Variants in BTG2 observed in about 807,000 individuals in gnomAD.
BTG2 encodes BTG anti-proliferation factor 2.
A neutral mutation model predicts 13.1 loss-of-function variants in BTG2; 9 were observed. That is an observed-to-expected ratio of 0.69 (90% CI 0.41 to 1.20). The LOEUF (loss-of-function observed/expected upper bound fraction) is 1.20, where lower values mean the gene tolerates loss of function less well. Ranked by LOEUF, BTG2 falls within the 50% of genes most tolerant of loss-of-function variation. The pLI, the probability that BTG2 is intolerant of heterozygous loss-of-function variation, is 0.00. For synonymous variants in BTG2, 92 were observed against 88.6 expected (o/e 1.04, Z -0.21); for missense variants, 200 against 209.5 (o/e 0.95, Z 0.28).
chr1:203,307,515 G>A lies in BTG2; in HGVS notation c.*77G>A, dbSNP rs933030925. 3.3e-6 allele frequency: 4 copies of A among 1,209,346 alleles called. No homozygotes were observed. Among genetic ancestry groups the A allele is most frequent in the South Asian group, 1.6e-5 (1 of 62,950 alleles). 74.9% of individuals were successfully genotyped at this position (1,209,346 alleles called of 1,614,324 possible). A position where few individuals can be genotyped will look rare whatever the true frequency, so the allele number is the denominator to read the frequency against. On this transcript the variant is annotated 3_prime_UTR_variant, in exon 2 of 2. Transcript: ENST00000290551. Reference sequence around the variant, plus strand: ...AGGCCACCACATACCTCAACCTGGGGAACTGTATTTTTAAATGAAGAGCTA... The same window carrying A: ...AGGCCACCACATACCTCAACCTGGGAAACTGTATTTTTAAATGAAGAGCTA...
intron 1 of BTG2, among the ~76,000 whole-genome samples, chr1:203,306,683 G>T (rs796613632): frequency 6.6e-6 from 1 of 152,016 alleles, no homozygotes; most frequent in East Asian, 1.9e-4. Flanking sequence ...GGTCTCCAGA[G>T]GCCCTGCCTG....
At chr1:203,307,033 C>T in intron 1 of BTG2, 71 bp from the exon 2 acceptor site, 2 of 1,389,888 alleles carry the variant, frequency 1.4e-6, no homozygotes, top group Non-Finnish European at 2.0e-6. Flanking sequence ...GACCCTCCAC[C>T]CCGCCCTATG....
At chr1:203,306,981 C>A (rs1300152349) in intron 1 of BTG2, 123 bp from the exon 2 acceptor site, 5 of 780,512 alleles carry the variant, frequency 6.4e-6, no homozygotes, top group Admixed American at 5.7e-5. Context: ...GAGGAATCCA[C>A]CTCCCTTACT....
intron 1 of BTG2, among the ~76,000 whole-genome samples, chr1:203,306,187 G>A (rs1231256142): frequency 6.6e-6 from 1 of 152,300 alleles, no homozygotes; most frequent in Admixed American, 6.5e-5. Flanking sequence ...TCCCAGTGCG[G>A]TTCTTCCTGC....
rs778832398 is a variant in BTG2, at chr1:203,307,165, T to G, written c.204T>G (p.Ile68Met). ...KPSKGSGYRC[I>M]RINHKMDPII... is the part of the protein sequence containing the mutation. The stretch of plus-strand genomic sequence containing the variant: ...CCAAGGGCTCCGGCTACCGCTGCAT[T>G]CGCATCAACCACAAGATGGACCCCA... The change falls in exon 2 of 2, where the codon ATT becomes ATG. Residue 68 changes from isoleucine (I) to methionine (M), a missense_variant. Transcript: ENST00000290551. 6 of 1,614,174 alleles carry G rather than the reference T, an allele frequency of 3.7e-6. No homozygotes were observed. The highest frequency in any genetic ancestry group is 2.2e-5 in the South Asian group (2 of 91,082).
rs1658298552 is a variant in BTG2 at position 203,307,195 on chromosome 1, C to G, written c.234C>G (p.Ile78Met). The stretch of plus-strand genomic sequence containing the variant: ...TCAACCACAAGATGGACCCCATCAT[C>G]AGCAGGGTGGCCAGCCAGATCGGAC... ...IRINHKMDPI[I>M]SRVASQIGLS... Residue 78 changes from isoleucine to methionine, a missense_variant, in exon 2 of 2, where the codon ATC becomes ATG. Transcript: ENST00000290551. 12 of 1,614,266 alleles carry G rather than the reference C, an allele frequency of 7.4e-6. No homozygotes were observed. The highest frequency in any genetic ancestry group is 1.0e-5 in the Non-Finnish European group (12 of 1,180,042).
intron 1 of BTG2, among the ~76,000 whole-genome samples, chr1:203,306,115 G>A (rs1304486495): frequency 6.6e-6 from 1 of 152,094 alleles, no homozygotes; most frequent in Non-Finnish European, 1.5e-5. Context: ...CGGGCCGCCC[G>A]GTCGGCCGAG....
rs1658335070 is a variant in BTG2 at position 203,309,084 on chromosome 1, A to G, written c.*1646A>G. 6.6e-6 allele frequency: 1 copy of G among 152,552 alleles called. No individual in the cohort carries two copies. Among genetic ancestry groups the G allele is most frequent in the African/African-American group, 2.4e-5 (1 of 41,398 alleles). The allele number at this position is 152,552 out of a possible 1,614,324, so 9.4% of individuals were successfully genotyped here. A position where few individuals can be genotyped will look rare whatever the true frequency, so the allele number is the denominator to read the frequency against. On this transcript the variant is annotated 3_prime_UTR_variant, in exon 2 of 2. Coordinates refer to ENST00000290551, the MANE Select transcript of BTG2 (RefSeq NM_006763.3). ...CTTTCCTGGATTTCTAAACTGCTCA[A>G]TTTTGACTCAAAGGTGCTATTTACC...
rs933030925 is a variant in BTG2 at position 203,307,515 on chromosome 1, G to T, written c.*77G>T. On this transcript the variant is annotated 3_prime_UTR_variant, in exon 2 of 2. Coordinates refer to ENST00000290551, the MANE Select transcript of BTG2 (RefSeq NM_006763.3). ...AGGCCACCACATACCTCAACCTGGG[G>T]AACTGTATTTTTAAATGAAGAGCTA... is the stretch of plus-strand genomic sequence containing the variant. 3 of 1,209,464 alleles carry T rather than the reference G, an allele frequency of 2.5e-6. No homozygotes were observed. The highest frequency in any genetic ancestry group is 3.4e-6 in the Non-Finnish European group (3 of 878,058). The allele number at this position is 1,209,464 out of a possible 1,614,324, so 74.9% of individuals were successfully genotyped here.
intron 1 of BTG2, among the ~76,000 whole-genome samples, chr1:203,306,295 C>G (rs529510131): frequency 3.3e-5 from 5 of 152,258 alleles, no homozygotes; most frequent in Middle Eastern, 3.4e-3. Context: ...TTCCCCTTAG[C>G]CATCTGCCAC....
intron 1 of BTG2, among the ~76,000 whole-genome samples, chr1:203,306,333 A>AGCAGGG (rs1571500709): frequency 6.6e-6 from 1 of 152,038 alleles, no homozygotes; most frequent in African/African-American, 2.4e-5. Context: ...AGAGCCTCGT[A>AGCAGGG]GCTCGTGACC....
At chr1:203,306,309 T>C (rs1658271684) in intron 1 of BTG2, among the ~76,000 whole-genome samples, 1 of 152,106 alleles carries the variant, frequency 6.6e-6, no homozygotes, top group African/African-American at 2.4e-5. Context: ...CTGCCACCTA[T>C]TGTGGTAGGG....
At chr1:203,306,419 CAGCTGTTTCT>C (rs1658275038) in intron 1 of BTG2, among the ~76,000 whole-genome samples, 1 of 152,080 alleles carries the variant, frequency 6.6e-6, no homozygotes, top group Admixed American at 6.5e-5. Context: ...ACCTCTCTCC[CAGCTGTTTCT>C]AGCTGGTTAC....
intron 1 of BTG2, among the ~76,000 whole-genome samples, chr1:203,306,147 G>A (rs1658265449): frequency 6.6e-6 from 1 of 152,338 alleles, no homozygotes; most frequent in Admixed American, 6.5e-5. Context: ...AGGGAAGAAG[G>A]TGCAGTCGAG....
At chr1:203,305,951 G>T in intron 1 of BTG2, among the ~76,000 whole-genome samples, 1 of 152,256 alleles carries the variant, frequency 6.6e-6, no homozygotes, top group East Asian at 1.9e-4. Flanking sequence ...CGGCCGTGGC[G>T]GTTCTGATGG....
chr1:203,305,749 G>C lies in BTG2; in HGVS notation c.142+1G>C, dbSNP rs1270109023. ...GGGGCGCTCCAGGAGGCACTCACAG[G>C]TGAGCGCATGCCGAGGGGCCTGGCG... On this transcript the variant is annotated splice_donor_variant, in intron 1 of 1. Transcript: ENST00000290551. LOFTEE classifies it high-confidence loss of function. 1 of 1,545,488 alleles carries C rather than the reference G, an allele frequency of 6.5e-7. No homozygotes were observed. The highest frequency in any genetic ancestry group is 8.7e-7 in the Non-Finnish European group (1 of 1,145,098).
chr1:203,306,606 G>C (rs1658280400), intron 1 of BTG2, among the ~76,000 whole-genome samples: 1 of 152,212 alleles, frequency 6.6e-6, no homozygotes, highest in African/African-American at 2.4e-5. Flanking sequence ...CAGGGTGGGA[G>C]GTCCAGTGAC....
At chr1:203,307,039 C>A in intron 1 of BTG2, 65 bp from the exon 2 acceptor site, 1 of 1,443,040 alleles carries the variant, frequency 6.9e-7, no homozygotes, top group Non-Finnish European at 9.6e-7. Flanking sequence ...CCACCCCGCC[C>A]TATGGTAGTA....
chr1:203,307,035 C>G, intron 1 of BTG2, 69 bp from the exon 2 acceptor site: 1 of 1,397,532 alleles, frequency 7.2e-7, no homozygotes, highest in Non-Finnish European at 9.9e-7. Flanking sequence ...CCCTCCACCC[C>G]GCCCTATGGT....
Sources: gnomAD v4.1 joint callset for allele counts (sites outside exome capture counted in the v4.1 genomes callset) on GRCh38, gnomAD v4.1.1 for gene constraint, MANE v1.5 for transcripts, NCBI Gene and HGNC (gene_info 2026-07-23, HGNC 2026-07-21) for gene names.